Variants in PTPRO observed in about 807,000 individuals in gnomAD.
PTPRO encodes the protein receptor-type tyrosine-protein phosphatase O.
Under a neutral mutation model 145.2 loss-of-function variants are expected in PTPRO, and 62 were observed. That is an observed-to-expected ratio of 0.43 (90% CI 0.35 to 0.53). The LOEUF (loss-of-function observed/expected upper bound fraction) is 0.53, where lower values mean the gene tolerates loss of function less well. Among genes scored for constraint, PTPRO ranks in the 20% least tolerant of loss-of-function variants. PTPRO has a pLI of 0.01. For missense variants in PTPRO, 1,345 were observed against 1,482.7 expected (o/e 0.91, Z 1.53); for synonymous variants, 565 against 514.7 (o/e 1.10, Z -1.32).
chr12:15,436,731 C>G (rs890968883), intron 1 of PTPRO, among the ~76,000 whole-genome samples: 3 of 152,194 alleles, frequency 2.0e-5, no homozygotes, highest in African/African-American at 7.2e-5. Flanking sequence ...TGCCCTAGCA[C>G]CATGGCTACA....
At chr12:15,429,144 C>T (rs1383918944) in intron 1 of PTPRO, among the ~76,000 whole-genome samples, 1 of 152,110 alleles carries the variant, frequency 6.6e-6, no homozygotes, top group Non-Finnish European at 1.5e-5. Context: ...TGTAGAATCT[C>T]TTGAAGCTCA....
rs908073023 is a variant in PTPRO, at chr12:15,338,403, G to A, written c.75+15602G>A. On this transcript the variant is annotated intron_variant, in intron 1 of 26. Transcript: ENST00000281171. ...ACAATTGCAGGGAAAGTAAGTTATCGAAGCAAATTTGAAGCACCTAGGAAC... is the reference window on the plus strand; with the variant it reads ...ACAATTGCAGGGAAAGTAAGTTATCAAAGCAAATTTGAAGCACCTAGGAAC... 7.2e-5 allele frequency among the ~76,000 whole-genome samples: 11 copies of A among 152,148 alleles called. No homozygotes were observed. The South Asian group carries it at 1.2e-3, about 17-fold the overall frequency.
intron 1 of PTPRO, among the ~76,000 whole-genome samples, chr12:15,371,162 T>C (rs568896415): frequency 2.0e-5 from 3 of 152,316 alleles, no homozygotes; most frequent in Admixed American, 2.0e-4. Context: ...GATGATATCT[T>C]GTAAAACTTG....
chr12:15,545,726 T>C (rs946309342), intron 12 of PTPRO, among the ~76,000 whole-genome samples: 2 of 152,122 alleles, frequency 1.3e-5, no homozygotes, highest in Non-Finnish European at 2.9e-5. Flanking sequence ...CTCCTATCAA[T>C]TCTTTTCTTA....
chr12:15,478,922 C>T (rs998627032), intron 1 of PTPRO, among the ~76,000 whole-genome samples: 3 of 152,174 alleles, frequency 2.0e-5, no homozygotes, highest in African/African-American at 2.4e-5. Context: ...CCGCCCGCCT[C>T]GGCCTCCCAA....
intron 14 of PTPRO, among the ~76,000 whole-genome samples, chr12:15,550,053 T>C (rs548112860): frequency 2.6e-5 from 4 of 152,316 alleles, no homozygotes; most frequent in African/African-American, 9.6e-5. Flanking sequence ...TGACGATGAA[T>C]AATGAGAGAC....
chr12:15,487,755 G>A (rs967596053), intron 2 of PTPRO, among the ~76,000 whole-genome samples: 2 of 152,100 alleles, frequency 1.3e-5, no homozygotes, highest in African/African-American at 4.8e-5. Context: ...TTGGGATGAT[G>A]GAAATGTTCT....
rs1414910761 is a variant in PTPRO, at chr12:15,569,573, T to A, written c.2829+75T>A. On this transcript the variant is annotated intron_variant, in intron 19 of 26. Transcript: ENST00000281171. ...AATTGGGGGGTTTGTGTTGCGGTCA[T>A]GTCCCTGCTCACTGGCAGTGCGTAA... The A allele has an allele frequency of 1.1e-5, 15 of 1,319,936 alleles. No homozygotes were observed. The East Asian group carries it at 3.5e-4, about 31-fold the overall frequency. The allele number at this position is 1,319,936 out of a possible 1,614,324, so 81.8% of individuals were successfully genotyped here. A position where few individuals can be genotyped will look rare whatever the true frequency, so the allele number is the denominator to read the frequency against.
chr12:15,465,877 A>G (rs549998302), intron 1 of PTPRO, among the ~76,000 whole-genome samples: 63 of 152,250 alleles, frequency 4.1e-4, no homozygotes, highest in Non-Finnish European at 4.4e-4. Context: ...TTCAGTTTTT[A>G]TTTGGTAATG....
chr12:15,542,010 C>CAA (rs879895772), intron 12 of PTPRO, among the ~76,000 whole-genome samples: 22 of 141,038 alleles, frequency 1.6e-4, no homozygotes, highest in Admixed American at 2.8e-4. Flanking sequence ...GACTCCACCT[C>CAA]AAAAAAAAAA....
chr12:15,465,633 T>C (rs1384541118), intron 1 of PTPRO, among the ~76,000 whole-genome samples: 3 of 152,206 alleles, frequency 2.0e-5, no homozygotes, highest in African/African-American at 7.2e-5. Context: ...TAAAGGCTTC[T>C]CACAGAAAGT....
intron 1 of PTPRO, among the ~76,000 whole-genome samples, chr12:15,387,489 C>T (rs1939062045): frequency 1.3e-5 from 2 of 152,288 alleles, no homozygotes; most frequent in Middle Eastern, 3.4e-3. Context: ...TGTTCTCACC[C>T]ACTTGGTGAA....
At position 15,597,300 on chromosome 12, in the gene PTPRO, C is replaced by T. The variant is rs2135688629; in HGVS notation, c.*1227C>T. ...CATTGTGAAGCCTGTTACTTTGTGTCACTTCCTGATAAATAAGAGGTGATG... is the reference window on the plus strand; with the variant it reads ...CATTGTGAAGCCTGTTACTTTGTGTTACTTCCTGATAAATAAGAGGTGATG... On this transcript the variant is annotated 3_prime_UTR_variant, in exon 27 of 27. Coordinates refer to ENST00000281171, the MANE Select transcript of PTPRO (RefSeq NM_030667.3). 1 of 152,306 alleles carries T rather than the reference C, an allele frequency of 6.6e-6. No homozygotes were observed. Among genetic ancestry groups the T allele is most frequent in the South Asian group, 2.1e-4 (1 of 4,826 alleles). The allele number at this position is 152,306 out of a possible 1,614,324, so 9.4% of individuals were successfully genotyped here. A position where few individuals can be genotyped will look rare whatever the true frequency, so the allele number is the denominator to read the frequency against.
intron 23 of PTPRO, among the ~76,000 whole-genome samples, chr12:15,583,760 G>T (rs1944373139): frequency 6.6e-6 from 1 of 152,060 alleles, no homozygotes; most frequent in South Asian, 2.1e-4. Context: ...TGGAAACAAA[G>T]ATTGCCCGTA....
chr12:15,384,117 C>T (rs1165274731), intron 1 of PTPRO, among the ~76,000 whole-genome samples: 1 of 152,056 alleles, frequency 6.6e-6, no homozygotes, highest in Admixed American at 6.5e-5. Flanking sequence ...GCATGTAAGA[C>T]TTCCCTTCCA....
chr12:15,573,308 C>A (rs974454132), intron 19 of PTPRO, among the ~76,000 whole-genome samples: 1 of 152,078 alleles, frequency 6.6e-6, no homozygotes, highest in African/African-American at 2.4e-5. Flanking sequence ...CTGGATGAGG[C>A]CCAGCCACAT....
At chr12:15,388,282 A>G (rs566955651) in intron 1 of PTPRO, among the ~76,000 whole-genome samples, 2 of 152,290 alleles carry the variant, frequency 1.3e-5, no homozygotes, top group South Asian at 4.1e-4. Flanking sequence ...AAAAAATGTA[A>G]ATTGCAGAAT....
chr12:15,399,859 T>G (rs907650240), intron 1 of PTPRO, among the ~76,000 whole-genome samples: 8 of 151,460 alleles, frequency 5.3e-5, no homozygotes, highest in Non-Finnish European at 8.8e-5. Flanking sequence ...GAGACCAACC[T>G]GGCCAACATG....
At chr12:15,572,210 T>C (rs919375141) in intron 19 of PTPRO, among the ~76,000 whole-genome samples, 1 of 152,230 alleles carries the variant, frequency 6.6e-6, no homozygotes, top group Non-Finnish European at 1.5e-5. Context: ...TGCTCATGTA[T>C]AAGTTTCAAT....
Sources: gnomAD v4.1 joint callset for allele counts (sites outside exome capture counted in the v4.1 genomes callset) on GRCh38, gnomAD v4.1.1 for gene constraint, MANE v1.5 for transcripts, NCBI Gene and HGNC (gene_info 2026-07-23, HGNC 2026-07-21) for gene names.